STAT5B: variants seen among roughly 807,000 people sequenced by gnomAD.
STAT5B encodes signal transducer and activator of transcription 5B, also known as transcription factor STAT5B.
In STAT5B, 21 loss-of-function variants were observed where a neutral mutation model predicts 107.8. That is an observed-to-expected ratio of 0.19 (90% CI 0.14 to 0.28). The LOEUF is 0.28. STAT5B is among the 10% of genes least tolerant of loss of function. The pLI, the probability that STAT5B is intolerant of heterozygous loss-of-function variation, is 1.00. For missense variants in STAT5B, 565 were observed against 1,008.2 expected, an observed-to-expected ratio of 0.56 and a Z score of 5.95; for synonymous variants, 325 against 401.7, an observed-to-expected ratio of 0.81 and a Z score of 2.28.
the STAT5B span, among the ~76,000 whole-genome samples, chr17:42,281,791 C>A: frequency 1.3e-5 from 2 of 152,232 alleles, no homozygotes; most frequent in African/African-American, 4.8e-5. Flanking sequence ...TCCCCCGACC[C>A]CGCCTCTTGG....
chr17:42,227,758 C>T, intron 2 of STAT5B, 73 bp from the exon 3 acceptor site: 2 of 1,497,504 alleles, frequency 1.3e-6, no homozygotes, highest in South Asian at 1.2e-5. Context: ...CTCAACACAT[C>T]CTACTTTTTC....
upstream of STAT5B, chr17:42,276,454 C>A (rs2080767755): frequency 6.8e-6 from 1 of 148,014 alleles, no homozygotes; most frequent in Non-Finnish European, 1.5e-5. The surrounding 1 kb of genome is among the most constrained non-coding windows in gnomAD (Gnocchi z 4.8). Flanking sequence ...GGCCCAGGGA[C>A]GCGCGCCGCT....
At chr17:42,278,437 G>A (rs995234569), upstream of STAT5B, among the ~76,000 whole-genome samples, 3 of 152,196 alleles carry the variant, frequency 2.0e-5, no homozygotes, top group African/African-American at 4.8e-5. Context: ...CCGGTGTGGC[G>A]ACACACACCT....
At chr17:42,267,577 T>A (rs888564590) in intron 1 of STAT5B, among the ~76,000 whole-genome samples, 6 of 152,190 alleles carry the variant, frequency 3.9e-5, no homozygotes, top group Admixed American at 2.0e-4. Context: ...AGTAAAAGAA[T>A]AAAAACATAA....
Position 42,261,065 on chromosome 17 carries a change from C to T in STAT5B, c.-11+15183G>A, listed in dbSNP as rs111920089. Reference sequence around the variant, plus strand: ...CTGAGACTACAGACATGTGCCACCACGCCCGGCTAATTTTTGTATTTTTAG... The same window carrying T: ...CTGAGACTACAGACATGTGCCACCATGCCCGGCTAATTTTTGTATTTTTAG... On this transcript the variant is annotated intron_variant, in intron 1 of 18. Transcript: ENST00000293328. Among the ~76,000 whole-genome samples, 594 of 152,048 alleles carry T rather than the reference C, an allele frequency of 3.9e-3. 5 individuals carry two copies. Among genetic ancestry groups the T allele is most frequent in the African/African-American group, 0.014 (570 of 41,494 alleles).
chr17:42,213,449 C>T (rs1056678137), intron 12 of STAT5B, among the ~76,000 whole-genome samples: 12 of 152,154 alleles, frequency 7.9e-5, no homozygotes, highest in African/African-American at 2.4e-4. Context: ...TCAAGAGATC[C>T]GCTTGCCTTG....
In STAT5B at chr17:42,218,267, A is replaced by G. The variant is rs774063058; in HGVS notation, c.1053T>C (p.Thr351=). ...GCTTCCCGCCCACCAGCAGGCGCAC[A>G]GTGGCTGCAAACTTGGTCTGGGTCT... is the stretch of plus-strand genomic sequence containing the variant. ...VLKTQTKFAA[T]VRLLVGGKLN... is the part of the protein sequence containing the mutation. Residue 351 remains threonine (T), a synonymous_variant, in exon 9 of 19, where the codon ACT becomes ACC. Coordinates refer to ENST00000293328, the MANE Select transcript of STAT5B (RefSeq NM_012448.4). The G allele has an allele frequency of 5.6e-5, 91 of 1,613,988 alleles. No individual in the cohort carries two copies. The highest frequency in any genetic ancestry group is 7.0e-5 in the Non-Finnish European group (83 of 1,180,004).
intron 2 of STAT5B, 58 bp downstream of exon 2, chr17:42,231,942 C>T: frequency 1.2e-6 from 2 of 1,609,336 alleles, no homozygotes; most frequent in Admixed American, 1.7e-5. Context: ...TCTTTCTAAA[C>T]AAACTCCAAT....
chr17:42,202,406 G>T lies in STAT5B; in HGVS notation c.2171C>A (p.Thr724Lys). The T allele has an allele frequency of 6.2e-7, 1 of 1,614,244 alleles. No individual in the cohort carries two copies. Among genetic ancestry groups the T allele is most frequent in the Non-Finnish European group, 8.5e-7 (1 of 1,180,034 alleles). ...TGGGGAGGGGGCCTGGTCCATGTAC[G>T]TGGCGCTGCCGCCCCCGGCATCTGC... ...ASADAGGGSA[T>K]YMDQAPSPAV... Residue 724 changes from threonine to lysine, a missense_variant, in exon 18 of 19, where the codon ACG becomes AAG. Transcript: ENST00000293328.
At chr17:42,279,497 C>A (rs2080786771), upstream of STAT5B, among the ~76,000 whole-genome samples, 1 of 152,086 alleles carries the variant, frequency 6.6e-6, no homozygotes, top group Non-Finnish European at 1.5e-5. Context: ...GTTTAAATGT[C>A]CTGAAGGGGG....
chr17:42,207,448 T>C (rs1435593534), intron 16 of STAT5B, 110 bp downstream of exon 16: 2 of 1,387,578 alleles, frequency 1.4e-6, no homozygotes, highest in Non-Finnish European at 2.0e-6. Flanking sequence ...ATGGTAATTG[T>C]GTGGGTTTTC....
intron 1 of STAT5B, chr17:42,272,111 A>G (rs1292720861): frequency 6.6e-6 from 1 of 152,228 alleles, no homozygotes; most frequent in Admixed American, 6.5e-5. Flanking sequence ...ATATTTCTCA[A>G]GGCTCCACTT....
At chr17:42,226,159 T>C (rs537314268) in intron 3 of STAT5B, among the ~76,000 whole-genome samples, 153 of 152,220 alleles carry the variant, frequency 1.0e-3, no homozygotes, top group Admixed American at 1.9e-3. Context: ...GGTCTCGAAC[T>C]CCTGACCTCA....
chr17:42,216,372 G>GA (rs1311771087), intron 11 of STAT5B, among the ~76,000 whole-genome samples: 2 of 152,170 alleles, frequency 1.3e-5, no homozygotes, highest in African/African-American at 2.4e-5. Context: ...ACAGGAGAGA[G>GA]AAAAGACTAT....
In STAT5B at chr17:42,201,890, A is replaced by G. The variant is rs763157088; in HGVS notation, c.2238-26T>C. 25 of 1,611,646 alleles carry G rather than the reference A, an allele frequency of 1.6e-5. No individual in the cohort carries two copies. In the Admixed American group the frequency reaches 4.0e-4, roughly 26 times the overall value. ...CTTGGGAGGGAAAGAAGAGGGATGA[A>G]GGGAAGGGGAAAGCCTGCCAGAGAC... On this transcript the variant is annotated intron_variant, in intron 18 of 18. Transcript: ENST00000293328.
intron 16 of STAT5B, among the ~76,000 whole-genome samples, chr17:42,206,125 A>G (rs1389555471): frequency 6.6e-6 from 1 of 152,144 alleles, no homozygotes; most frequent in Admixed American, 6.6e-5. Context: ...ATGCAGTGGC[A>G]TAGTCTCGGC....
At chr17:42,245,202 C>T (rs1476844735) in intron 1 of STAT5B, among the ~76,000 whole-genome samples, 3 of 151,218 alleles carry the variant, frequency 2.0e-5, no homozygotes, top group Non-Finnish European at 2.9e-5. Flanking sequence ...CTCAGCCTCC[C>T]GAATAGCTGG....
chr17:42,274,603 A>G (rs1245401645), intron 1 of STAT5B, among the ~76,000 whole-genome samples: 1 of 152,212 alleles, frequency 6.6e-6, no homozygotes, highest in Non-Finnish European at 1.5e-5. Flanking sequence ...AAAATCAATC[A>G]ATAAGATTCT....
the STAT5B span, among the ~76,000 whole-genome samples, chr17:42,286,233 C>CAA: frequency 7.9e-3 from 406 of 51,302 alleles, 6 homozygotes; most frequent in East Asian, 0.015. Flanking sequence ...AACTCCATCT[C>CAA]AAAAAAAAAA....
Sources: gnomAD v4.1 joint callset for allele counts (sites outside exome capture counted in the v4.1 genomes callset) on GRCh38, gnomAD v4.1.1 for gene constraint, Gnocchi (gnomAD v3.1) non-coding constraint, MANE v1.5 for transcripts, NCBI Gene and HGNC (gene_info 2026-07-23, HGNC 2026-07-21) for gene names.